The following AKAP6 variants were observed in gnomAD, a reference collection of about 807,000 sequenced individuals.
AKAP6 encodes the protein A-kinase anchoring protein 6.
In AKAP6, 58 loss-of-function variants were observed where a neutral mutation model predicts 188.5. That is an observed-to-expected ratio of 0.31 (90% CI 0.25 to 0.38). AKAP6 has a LOEUF of 0.38. Among genes scored for constraint, AKAP6 ranks in the 10% least tolerant of loss-of-function variants. The pLI, the probability that AKAP6 is intolerant of heterozygous loss-of-function variation, is 1.00. For synonymous variants in AKAP6, 989 were observed against 998.6 expected (o/e 0.99, Z 0.18); for missense variants, 2,710 against 2,740.0 (o/e 0.99, Z 0.24).
chr14:32,592,316 C>T (rs969574129), intron 5 of AKAP6, among the ~76,000 whole-genome samples: 4 of 152,230 alleles, frequency 2.6e-5, no homozygotes, highest in Admixed American at 6.5e-5. Flanking sequence ...TTTAACACAA[C>T]GTAGTATGTG....
intron 12 of AKAP6, among the ~76,000 whole-genome samples, chr14:32,799,780 T>G (rs921479119): frequency 2.0e-5 from 3 of 152,122 alleles, no homozygotes; most frequent in African/African-American, 7.2e-5. Flanking sequence ...AATGTTTGTA[T>G]TCTTCTGTTG....
chr14:32,468,342 A>G (rs920415796), intron 2 of AKAP6, among the ~76,000 whole-genome samples: 1 of 152,190 alleles, frequency 6.6e-6, no homozygotes, highest in African/African-American at 2.4e-5. Flanking sequence ...CTTAGTTTTC[A>G]TCCCTGGATG....
intron 2 of AKAP6, among the ~76,000 whole-genome samples, chr14:32,481,386 G>A (rs1235865067): frequency 6.6e-6 from 1 of 152,020 alleles, no homozygotes; most frequent in East Asian, 1.9e-4. Flanking sequence ...TATTAGTTTG[G>A]TCTTATGCTG....
rs549177519 is a variant in AKAP6 at position 32,650,154 on chromosome 14, G to A, written c.2731-28157G>A. Among the ~76,000 whole-genome samples the A allele has an allele frequency of 7.2e-5, 11 of 152,282 alleles. No homozygotes were observed. In the East Asian group the frequency reaches 1.9e-3, roughly 27 times the overall value. Reference sequence around the variant, plus strand: ...GGTTCTAGTTCTTCCTTTCTAAAATGAAACTCCCTAAACACTAAAGTAGTG... The same window carrying A: ...GGTTCTAGTTCTTCCTTTCTAAAATAAAACTCCCTAAACACTAAAGTAGTG... On this transcript the variant is annotated intron_variant, in intron 7 of 13. Coordinates refer to ENST00000280979, the MANE Select transcript of AKAP6 (RefSeq NM_004274.5).
At chr14:32,787,776 A>T (rs906945188) in intron 12 of AKAP6, among the ~76,000 whole-genome samples, 1 of 152,150 alleles carries the variant, frequency 6.6e-6, no homozygotes, top group Non-Finnish European at 1.5e-5. Flanking sequence ...AATACCAAAA[A>T]GCTCTTTCAA....
chr14:32,803,616 G>T (rs564025270), intron 12 of AKAP6, among the ~76,000 whole-genome samples: 2 of 151,890 alleles, frequency 1.3e-5, no homozygotes, highest in East Asian at 3.9e-4. Flanking sequence ...GATTACTTTT[G>T]TTTACATTGA....
chr14:32,619,873 T>C (rs1398520861), intron 7 of AKAP6, among the ~76,000 whole-genome samples: 1 of 152,166 alleles, frequency 6.6e-6, no homozygotes, highest in South Asian at 2.1e-4. Flanking sequence ...GTTCTCCTTG[T>C]AGAGATTTTT....
chr14:32,547,075 A>G, intron 4 of AKAP6, 76 bp downstream of exon 4: 2 of 1,301,922 alleles, frequency 1.5e-6, no homozygotes, highest in Non-Finnish European at 2.1e-6. Context: ...TCACACTCCT[A>G]CACTCTATTA....
intron 9 of AKAP6, among the ~76,000 whole-genome samples, chr14:32,724,058 CTTT>C (rs59765305): frequency 9.3e-4 from 66 of 70,930 alleles, no homozygotes; most frequent in African/African-American, 2.8e-3. Context: ...CAAATCAGGT[CTTT>C]TTTTCTTCTT....
At chr14:32,520,638 C>T (rs987735302) in intron 2 of AKAP6, among the ~76,000 whole-genome samples, 1 of 152,192 alleles carries the variant, frequency 6.6e-6, no homozygotes, top group African/African-American at 2.4e-5. Context: ...CCTCCCAAGA[C>T]TAAACCAGGA....
intron 7 of AKAP6, among the ~76,000 whole-genome samples, chr14:32,601,197 A>T (rs143538632): frequency 3.9e-5 from 6 of 152,352 alleles, no homozygotes; most frequent in Admixed American, 2.6e-4. Context: ...GCTTGGTTAC[A>T]GCAAATTAAC....
chr14:32,350,423 C>A (rs1187531931), intron 1 of AKAP6, among the ~76,000 whole-genome samples: 1 of 152,052 alleles, frequency 6.6e-6, no homozygotes, highest in Non-Finnish European at 1.5e-5. Context: ...TTCCTCCAGA[C>A]TATCAAGGTC....
chr14:32,641,852 A>T (rs973162114), intron 7 of AKAP6, among the ~76,000 whole-genome samples: 1 of 152,176 alleles, frequency 6.6e-6, no homozygotes. Context: ...AGGGGATTGC[A>T]TTTTAATGTG....
At chr14:32,717,691 T>C (rs997826132) in intron 9 of AKAP6, among the ~76,000 whole-genome samples, 2 of 151,980 alleles carry the variant, frequency 1.3e-5, no homozygotes, top group African/African-American at 2.4e-5. Flanking sequence ...AGCAGACTCC[T>C]TTACATAGCT....
intron 2 of AKAP6, among the ~76,000 whole-genome samples, chr14:32,500,317 A>T (rs1223453237): frequency 6.6e-6 from 1 of 152,210 alleles, no homozygotes; most frequent in African/African-American, 2.4e-5. Context: ...GCAGATTGCC[A>T]TGAAGTATTT....
At chr14:32,583,320 G>A (rs1415585799) in intron 5 of AKAP6, among the ~76,000 whole-genome samples, 1 of 152,258 alleles carries the variant, frequency 6.6e-6, no homozygotes, top group East Asian at 1.9e-4. Context: ...CGTGAACCGC[G>A]AATGCTGCTG....
At chr14:32,495,086 G>A (rs1880238185) in intron 2 of AKAP6, 1 of 152,210 alleles carries the variant, frequency 6.6e-6, no homozygotes, top group Non-Finnish European at 1.5e-5. Flanking sequence ...TGGGAGCTGA[G>A]TGACTGAGGA....
At chr14:32,429,109 A>C (rs1473704515) in intron 1 of AKAP6, among the ~76,000 whole-genome samples, 2 of 152,160 alleles carry the variant, frequency 1.3e-5, no homozygotes, top group African/African-American at 4.8e-5. Flanking sequence ...CACTCCTTTC[A>C]CACCGTCTTG....
At chr14:32,427,310 G>C (rs1002686740) in intron 1 of AKAP6, among the ~76,000 whole-genome samples, 1 of 152,220 alleles carries the variant, frequency 6.6e-6, no homozygotes, top group African/African-American at 2.4e-5. Flanking sequence ...CAGGGAAAGA[G>C]AGCAAAGGAG....
Sources: gnomAD v4.1 joint callset for allele counts (sites outside exome capture counted in the v4.1 genomes callset) on GRCh38, gnomAD v4.1.1 for gene constraint, MANE v1.5 for transcripts, NCBI Gene and HGNC (gene_info 2026-07-23, HGNC 2026-07-21) for gene names.